FOXP2: variants seen among roughly 807,000 people sequenced by gnomAD.
The protein encoded by FOXP2 is forkhead box protein P2.
FOXP2 carries 12 observed loss-of-function variants against 115.8 expected under a neutral mutation model. That is an observed-to-expected ratio of 0.10 (90% CI 0.07 to 0.17). FOXP2 has a LOEUF of 0.17. Among genes scored for constraint, FOXP2 ranks in the 10% least tolerant of loss-of-function variants. FOXP2 has a pLI of 1.00. For synonymous variants in FOXP2, 328 were observed against 297.7 expected (o/e 1.10, Z -1.05); for missense variants, 629 against 843.5 (o/e 0.75, Z 3.15).
At chr7:114,524,218 A>G (rs1798756132) in intron 2 of FOXP2, among the ~76,000 whole-genome samples, 1 of 152,116 alleles carries the variant, frequency 6.6e-6, no homozygotes, top group Admixed American at 6.6e-5. Flanking sequence ...TCCTAAATCT[A>G]GTGCTTAATA....
intron 6 of FOXP2, among the ~76,000 whole-genome samples, chr7:114,636,326 T>C (rs1450417160): frequency 1.3e-5 from 2 of 152,142 alleles, no homozygotes; most frequent in East Asian, 3.9e-4. Flanking sequence ...GTTTCACATC[T>C]TAAAATACAA....
intron 3 of FOXP2, among the ~76,000 whole-genome samples, chr7:114,553,209 A>T (rs1182645153): frequency 1.3e-5 from 2 of 152,172 alleles, no homozygotes; most frequent in African/African-American, 4.8e-5. Flanking sequence ...CCAAGTCTTA[A>T]CCTGTTACAA....
At chr7:114,339,775 CT>C (rs1013934877) in intron 2 of FOXP2, among the ~76,000 whole-genome samples, 5 of 151,026 alleles carry the variant, frequency 3.3e-5, no homozygotes, top group Admixed American at 6.6e-5. Flanking sequence ...CCAATTTCCC[CT>C]TTTTTTGGAA....
intron 1 of FOXP2, among the ~76,000 whole-genome samples, chr7:114,243,796 G>T (rs1795210875): frequency 1.3e-5 from 2 of 152,032 alleles, no homozygotes; most frequent in South Asian, 4.1e-4. Flanking sequence ...AAGCTCTTCT[G>T]GTATGTTTGG....
At chr7:114,574,180 T>C (rs2129297661) in intron 3 of FOXP2, among the ~76,000 whole-genome samples, 2 of 152,008 alleles carry the variant, frequency 1.3e-5, no homozygotes, top group Middle Eastern at 6.8e-3. Flanking sequence ...ATTGTGATTC[T>C]AAATTTTATC....
intron 2 of FOXP2, among the ~76,000 whole-genome samples, chr7:114,382,607 T>C (rs1792334731): frequency 1.3e-5 from 2 of 151,934 alleles, no homozygotes; most frequent in African/African-American, 4.8e-5. Context: ...TTTTTTTTTA[T>C]CCCGTTTGTC....
intron 2 of FOXP2, among the ~76,000 whole-genome samples, chr7:114,526,172 TA>T (rs3028251): frequency 8.0e-4 from 64 of 79,738 alleles, no homozygotes; most frequent in African/African-American, 2.4e-3. Flanking sequence ...GTTTCTTTAT[TA>T]AAAAAAAAAA....
intron 3 of FOXP2, among the ~76,000 whole-genome samples, chr7:114,545,290 C>T (rs955552699): frequency 6.6e-6 from 1 of 152,188 alleles, no homozygotes; most frequent in African/African-American, 2.4e-5. Flanking sequence ...TATTGAATCT[C>T]ATCCCAGCAC....
At chr7:114,431,286 C>T (rs776548972) in intron 2 of FOXP2, among the ~76,000 whole-genome samples, 1 of 151,888 alleles carries the variant, frequency 6.6e-6, no homozygotes, top group Admixed American at 6.6e-5. Context: ...AGGGATGGGG[C>T]GCCTTTTCTC....
At chr7:114,149,931 A>G (rs1335706106) in intron 1 of FOXP2, among the ~76,000 whole-genome samples, 1 of 152,034 alleles carries the variant, frequency 6.6e-6, no homozygotes, top group Non-Finnish European at 1.5e-5. Flanking sequence ...TATATGGTAA[A>G]AATTACATTA....
Position 114,133,524 on chromosome 7 carries a change from C to T in FOXP2, c.-246-29420C>T, listed in dbSNP as rs114439058. ...AAGGACTGAGCCCTGGGGCGTTCCA[C>T]TGTTGATATTTTGAGTAAATAAGGA... On this transcript the variant is annotated intron_variant, in intron 1 of 19. Coordinates refer to the FOXP2 transcript ENST00000635638. Among the ~76,000 whole-genome samples, 649 of 152,338 alleles carry T rather than the reference C, an allele frequency of 4.3e-3. 3 individuals carry two copies. Among genetic ancestry groups the T allele is most frequent in the African/African-American group, 0.015 (624 of 41,582 alleles).
chr7:114,426,319 C>A (rs1158770564), intron 1 of FOXP2, among the ~76,000 whole-genome samples, 183 bp from the exon 2 acceptor site: 1 of 151,644 alleles, frequency 6.6e-6, no homozygotes, highest in Non-Finnish European at 1.5e-5. Context: ...ACCATAATTT[C>A]AATGATTAGC....
intron 15 of FOXP2, among the ~76,000 whole-genome samples, 158 bp downstream of exon 15, chr7:114,663,677 T>G (rs574458290): frequency 1.6e-4 from 25 of 152,160 alleles, no homozygotes; most frequent in African/African-American, 6.0e-4. Context: ...TGGTTCTAAT[T>G]CAAGCTACTT....
chr7:114,409,623 T>C (rs1793117704), upstream of FOXP2, among the ~76,000 whole-genome samples: 1 of 152,160 alleles, frequency 6.6e-6, no homozygotes, highest in Non-Finnish European at 1.5e-5. Flanking sequence ...TAATTGGCTG[T>C]GTCATTCTGG....
intron 1 of FOXP2, among the ~76,000 whole-genome samples, chr7:114,123,881 T>A (rs1791632248): frequency 6.6e-6 from 1 of 152,130 alleles, no homozygotes. Context: ...TGACATTTTG[T>A]TAAGCTATGA....
At chr7:114,526,435 C>A (rs1394874923) in intron 2 of FOXP2, among the ~76,000 whole-genome samples, 3 of 146,810 alleles carry the variant, frequency 2.0e-5, no homozygotes, top group Non-Finnish European at 4.5e-5. Flanking sequence ...TGAGATGCGC[C>A]ATTGCACTCC....
intron 2 of FOXP2, among the ~76,000 whole-genome samples, chr7:114,302,778 A>G (rs1477623675): frequency 1.3e-5 from 2 of 152,170 alleles, no homozygotes; most frequent in Admixed American, 6.5e-5. Flanking sequence ...ATTCTGCTGG[A>G]CTTGAATAAG....
At chr7:114,180,409 G>A (rs533677435) in intron 1 of FOXP2, among the ~76,000 whole-genome samples, 2 of 151,886 alleles carry the variant, frequency 1.3e-5, no homozygotes, top group East Asian at 1.9e-4. Context: ...TTCTAGATGA[G>A]CTCACTTACT....
intron 1 of FOXP2, among the ~76,000 whole-genome samples, chr7:114,171,616 A>G (rs921759305): frequency 2.6e-5 from 4 of 152,180 alleles, no homozygotes; most frequent in African/African-American, 4.8e-5. Context: ...CAAGAGCTCC[A>G]ATGGAGATGT....
Sources: gnomAD v4.1 joint callset for allele counts (sites outside exome capture counted in the v4.1 genomes callset) on GRCh38, gnomAD v4.1.1 for gene constraint, MANE v1.5 for transcripts, NCBI Gene and HGNC (gene_info 2026-07-23, HGNC 2026-07-21) for gene names.